TOP3A: variants seen among roughly 807,000 people sequenced by gnomAD.
TOP3A encodes DNA topoisomerase III alpha, also known as DNA topoisomerase 3-alpha.
A neutral mutation model predicts 111.3 loss-of-function variants in TOP3A; 64 were observed. That is an observed-to-expected ratio of 0.57 (90% confidence interval 0.47 to 0.71). The LOEUF is 0.71. Ranked by LOEUF, TOP3A falls within the 30% of genes least tolerant of loss-of-function variation. The pLI is 0.00. For missense variants in TOP3A, 1,104 were observed against 1,285.0 expected, an observed-to-expected ratio of 0.86 and a Z score of 2.15; for synonymous variants, 484 against 485.1, an observed-to-expected ratio of 1.00 and a Z score of 0.03.
intron 6 of TOP3A, 48 bp from the exon 7 acceptor site, chr17:18,302,482 G>C (rs766222375): frequency 6.3e-7 from 1 of 1,595,782 alleles, no homozygotes; most frequent in Admixed American, 1.7e-5. Context: ...TGGATAATGA[G>C]AGTCCAGGGC....
rs1248897574 is a variant in TOP3A at position 18,273,817 on chromosome 17, TCTAA to T, written c.*981_*984del. 4 of 152,234 alleles carry T rather than the reference TCTAA, an allele frequency of 2.6e-5. No homozygotes were observed. The highest frequency in any genetic ancestry group is 4.8e-5 in the African/African-American group (2 of 41,448). The allele number at this position is 152,234 out of a possible 1,614,324, so 9.4% of individuals were successfully genotyped here. On this transcript the variant is annotated 3_prime_UTR_variant, in exon 19 of 19. Coordinates refer to ENST00000321105, the MANE Select transcript of TOP3A (RefSeq NM_004618.5). ...TATATTTTTAAAAATAGAGACAAGGTCTAACTATGTTGCCCAGGCTGGTCTTGAA... is the reference window on the plus strand; with the variant it reads ...TATATTTTTAAAAATAGAGACAAGGTCTATGTTGCCCAGGCTGGTCTTGAA...
chr17:18,293,610 C>A (rs1194799041), intron 10 of TOP3A, among the ~76,000 whole-genome samples: 4 of 151,068 alleles, frequency 2.6e-5, no homozygotes, highest in African/African-American at 7.3e-5. Flanking sequence ...TTTGTTTCCC[C>A]CCAAGAGACG....
chr17:18,296,690 G>A (rs570581009), intron 9 of TOP3A, among the ~76,000 whole-genome samples: 1 of 152,318 alleles, frequency 6.6e-6, no homozygotes, highest in African/African-American at 2.4e-5. Flanking sequence ...CTGACCACCA[G>A]TCCCTGTGTG....
chr17:18,307,003 C>T (rs1981620064), intron 3 of TOP3A, 37 bp from the exon 4 acceptor site: 3 of 1,482,794 alleles, frequency 2.0e-6, no homozygotes, highest in Admixed American at 1.7e-5. Flanking sequence ...CAACTCAGTA[C>T]ATGACAGAGA....
At chr17:18,296,052 C>A (rs569335161) in intron 9 of TOP3A, among the ~76,000 whole-genome samples, 1 of 151,998 alleles carries the variant, frequency 6.6e-6, no homozygotes, top group Non-Finnish European at 1.5e-5. Context: ...AGGCGTGAGC[C>A]ACTGCGCCCG....
At chr17:18,310,473 C>G (rs749224941) in intron 1 of TOP3A, among the ~76,000 whole-genome samples, 1 of 151,998 alleles carries the variant, frequency 6.6e-6, no homozygotes, top group Non-Finnish European at 1.5e-5. Context: ...ATACATGGTA[C>G]AACATGGATG....
rs1442030438 is a variant in TOP3A at position 18,277,989 on chromosome 17, C to A, written c.2513G>T (p.Cys838Phe). 2 of 1,614,112 alleles carry A rather than the reference C, an allele frequency of 1.2e-6. No individual in the cohort carries two copies. ...GPNRGRQFFK[C>F]NGGSCNFFLW... ...GAAGAAGTTGCAGCTACCTCCGTTG[C>A]ACTTAAAGAACTGCCGGCCCCGGTT... The change falls in exon 18 of 19, where the codon TGC becomes TTC. Residue 838 changes from cysteine (C) to phenylalanine (F), a missense_variant. Coordinates refer to ENST00000321105, the MANE Select transcript of TOP3A (RefSeq NM_004618.5).
chr17:18,305,339 G>A, intron 4 of TOP3A, 119 bp from the exon 5 acceptor site: 1 of 800,918 alleles, frequency 1.2e-6, no homozygotes, highest in Non-Finnish European at 2.1e-6. Context: ...TGACAACTTG[G>A]CAAGGGAAAG....
At chr17:18,302,896 A>C (rs575734141) in intron 5 of TOP3A, 173 bp from the exon 6 acceptor site, 9 of 673,796 alleles carry the variant, frequency 1.3e-5, no homozygotes, top group African/African-American at 1.1e-4. Flanking sequence ...TAAAGAGGAA[A>C]CATCACCATA....
At chr17:18,277,595 C>T in intron 18 of TOP3A, 80 bp downstream of exon 18, 2 of 1,508,208 alleles carry the variant, frequency 1.3e-6, no homozygotes, top group Non-Finnish European at 1.8e-6. Context: ...CCTGCCTTGC[C>T]TTCTTTCTGC....
chr17:18,286,305 C>T (rs1257598225), intron 13 of TOP3A, among the ~76,000 whole-genome samples: 1 of 149,336 alleles, frequency 6.7e-6, no homozygotes, highest in African/African-American at 2.5e-5. Flanking sequence ...AGATCAAGAC[C>T]ATCCTGGCTA....
At chr17:18,304,180 G>T (rs886070438) in intron 5 of TOP3A, among the ~76,000 whole-genome samples, 2 of 152,112 alleles carry the variant, frequency 1.3e-5, no homozygotes, top group African/African-American at 4.8e-5. Flanking sequence ...GACCAGGCTG[G>T]TCTTGAACAC....
chr17:18,309,162 G>T (rs1981760383), intron 1 of TOP3A, among the ~76,000 whole-genome samples: 1 of 151,890 alleles, frequency 6.6e-6, no homozygotes, highest in African/African-American at 2.4e-5. Context: ...CCATGATGAG[G>T]TACCACTCCA....
intron 10 of TOP3A, among the ~76,000 whole-genome samples, chr17:18,294,296 T>A (rs1980657982): frequency 6.6e-6 from 1 of 152,040 alleles, no homozygotes; most frequent in Non-Finnish European, 1.5e-5. Flanking sequence ...AGACAATCAG[T>A]TTTTCCCCAT....
chr17:18,306,101 C>G (rs1981563926), intron 4 of TOP3A, among the ~76,000 whole-genome samples: 1 of 151,978 alleles, frequency 6.6e-6, no homozygotes, highest in Non-Finnish European at 1.5e-5. Flanking sequence ...ACTTGAGAGG[C>G]TAAGGCAAGA....
At chr17:18,300,920 C>T (rs1280202842) in intron 8 of TOP3A, among the ~76,000 whole-genome samples, 1 of 152,176 alleles carries the variant, frequency 6.6e-6, no homozygotes, top group African/African-American at 2.4e-5. Context: ...ACAGCTCTCA[C>T]GTGTCTGTGG....
At chr17:18,275,081 A>G (rs1005741080) in intron 18 of TOP3A, 101 bp from the exon 19 acceptor site, 2 of 1,469,658 alleles carry the variant, frequency 1.4e-6, no homozygotes, top group Non-Finnish European at 1.8e-6. Context: ...CACTTTAGGA[A>G]GCTGAGGGAG....
At chr17:18,282,157 G>T (rs1979800533) in intron 16 of TOP3A, among the ~76,000 whole-genome samples, 1 of 152,130 alleles carries the variant, frequency 6.6e-6, no homozygotes, top group African/African-American at 2.4e-5. Flanking sequence ...GAGATTTTCA[G>T]GCCCCATTCA....
chr17:18,310,705 G>A (rs1981858650), intron 1 of TOP3A, among the ~76,000 whole-genome samples: 1 of 152,048 alleles, frequency 6.6e-6, no homozygotes, highest in African/African-American at 2.4e-5. Context: ...AATGATGATG[G>A]TGGCACATTT....
Sources: allele counts gnomAD v4.1 joint callset (sites outside exome capture counted in the v4.1 genomes callset), GRCh38; gene constraint gnomAD v4.1.1; transcripts MANE v1.5; gene names NCBI Gene and HGNC (gene_info 2026-07-23, HGNC 2026-07-21).